Variants in DPYD observed in about 807,000 individuals in gnomAD.
DPYD encodes the protein dihydropyrimidine dehydrogenase [NADP(+)].
Under a neutral mutation model 116.2 loss-of-function variants are expected in DPYD, and 109 were observed. The observed-to-expected ratio is 0.94, with a 90% CI of 0.80 to 1.10. The LOEUF (loss-of-function observed/expected upper bound fraction) is 1.10, where lower values mean the gene tolerates loss of function less well. Among genes scored for constraint, DPYD ranks in the 50% least tolerant of loss-of-function variants. The probability of loss-of-function intolerance (pLI) is 0.00; values close to 1 mark genes in which losing one functional copy is unlikely to be tolerated. For synonymous variants in DPYD, 440 were observed against 432.0 expected, an observed-to-expected ratio of 1.02 and a Z score of -0.23; for missense variants, 1,302 against 1,254.5, an observed-to-expected ratio of 1.04 and a Z score of -0.57.
At chr1:97,501,220 A>C (rs1186069532) in intron 13 of DPYD, among the ~76,000 whole-genome samples, 1 of 152,094 alleles carries the variant, frequency 6.6e-6, no homozygotes, top group African/African-American at 2.4e-5. Flanking sequence ...TTAATACCAG[A>C]AGTCTAACAT....
At chr1:97,910,541 AT>A (rs2101705835) in intron 1 of DPYD, among the ~76,000 whole-genome samples, 1 of 152,198 alleles carries the variant, frequency 6.6e-6, no homozygotes, top group East Asian at 1.9e-4. Context: ...TATGATTTCT[AT>A]CCCCACTTTT....
intron 14 of DPYD, among the ~76,000 whole-genome samples, chr1:97,405,757 T>C (rs896458005): frequency 6.6e-6 from 1 of 152,184 alleles, no homozygotes; most frequent in Non-Finnish European, 1.5e-5. Flanking sequence ...CCTCAAGTGA[T>C]CCACCCATCT....
intron 19 of DPYD, among the ~76,000 whole-genome samples, chr1:97,193,613 T>C (rs1361995699): frequency 6.6e-6 from 1 of 152,162 alleles, no homozygotes; most frequent in Admixed American, 6.5e-5. Context: ...ATTGTCACTC[T>C]ATTGGGATGT....
At chr1:97,663,655 T>G (rs1326034892) in intron 8 of DPYD, among the ~76,000 whole-genome samples, 1 of 152,198 alleles carries the variant, frequency 6.6e-6, no homozygotes, top group East Asian at 1.9e-4. Flanking sequence ...TCCTTCATTT[T>G]CCACAGCACA....
At chr1:97,399,637 G>C (rs1200457689) in intron 14 of DPYD, among the ~76,000 whole-genome samples, 1 of 152,072 alleles carries the variant, frequency 6.6e-6, no homozygotes, top group Admixed American at 6.6e-5. Flanking sequence ...GCAGTGGTTT[G>C]TAGTTCTCCT....
At chr1:97,229,562 AT>A (rs1661442982) in intron 19 of DPYD, among the ~76,000 whole-genome samples, 1 of 75,034 alleles carries the variant, frequency 1.3e-5, no homozygotes, top group African/African-American at 3.3e-5. Flanking sequence ...ATATATATAT[AT>A]ATATATATAT....
At chr1:97,309,365 G>GTGTA (rs879865284) in intron 16 of DPYD, among the ~76,000 whole-genome samples, 1 of 150,826 alleles carries the variant, frequency 6.6e-6, no homozygotes, top group Non-Finnish European at 1.5e-5. Context: ...GTGTGTGTGT[G>GTGTA]AGCATGTTCT....
intron 12 of DPYD, among the ~76,000 whole-genome samples, chr1:97,516,230 T>C (rs1648228396): frequency 6.6e-6 from 1 of 151,976 alleles, no homozygotes; most frequent in Non-Finnish European, 1.5e-5. Flanking sequence ...GGGAATAATT[T>C]TAGAATTTTT....
chr1:97,375,256 C>G (rs1229846482), intron 15 of DPYD, among the ~76,000 whole-genome samples: 3 of 152,094 alleles, frequency 2.0e-5, no homozygotes, highest in Non-Finnish European at 4.4e-5. Flanking sequence ...GTACACCAGA[C>G]CTTTCTTTAG....
At chr1:97,828,725 TAAC>T (rs1356088475) in intron 2 of DPYD, among the ~76,000 whole-genome samples, 1 of 151,968 alleles carries the variant, frequency 6.6e-6, no homozygotes, top group Non-Finnish European at 1.5e-5. Flanking sequence ...GATCTTTAAA[TAAC>T]AATTTTATGT....
chr1:97,561,471 AAAATAT>A (rs1652137228), intron 11 of DPYD, among the ~76,000 whole-genome samples: 1 of 152,194 alleles, frequency 6.6e-6, no homozygotes, highest in African/African-American at 2.4e-5. Flanking sequence ...TCTTTGGGTT[AAAATAT>A]AAATAAAGTA....
At chr1:97,356,478 G>C (rs1670435042) in intron 16 of DPYD, among the ~76,000 whole-genome samples, 1 of 152,082 alleles carries the variant, frequency 6.6e-6, no homozygotes, top group African/African-American at 2.4e-5. Flanking sequence ...CCTGTGATCA[G>C]GTAGCAATAT....
chr1:97,861,240 T>A (rs1005640956), intron 2 of DPYD, among the ~76,000 whole-genome samples: 1 of 151,942 alleles, frequency 6.6e-6, no homozygotes, highest in Non-Finnish European at 1.5e-5. Flanking sequence ...TAACAAATGA[T>A]GCAGAAACAG....
At chr1:97,165,291 TA>T (rs1291786547) in intron 20 of DPYD, among the ~76,000 whole-genome samples, 1 of 152,066 alleles carries the variant, frequency 6.6e-6, no homozygotes, top group African/African-American at 2.4e-5. Context: ...TACAACCAAC[TA>T]ATCATCAACA....
intron 1 of DPYD, among the ~76,000 whole-genome samples, chr1:97,896,415 T>C (rs1449828887): frequency 6.6e-6 from 1 of 151,826 alleles, no homozygotes; most frequent in Non-Finnish European, 1.5e-5. Context: ...TCTTGTCAAG[T>C]CTCACCGATG....
rs557364474 is a variant in DPYD, at chr1:97,348,323, C to A, written c.2058+25238G>T. On this transcript the variant is annotated intron_variant, in intron 16 of 22. Transcript: ENST00000370192. ...AACAAGGGATTGAATGCTGTCGAAT[C>A]GTAATTTGAAATAAAAACATAAGCT... 2.6e-5 allele frequency among the ~76,000 whole-genome samples: 4 copies of A among 152,094 alleles called. No homozygotes were observed. In the South Asian group the frequency reaches 6.2e-4, roughly 24 times the overall value.
intron 20 of DPYD, among the ~76,000 whole-genome samples, chr1:97,145,957 T>C (rs1654596086): frequency 6.6e-6 from 1 of 152,048 alleles, no homozygotes; most frequent in African/African-American, 2.4e-5. Context: ...CAATTGAGTC[T>C]ACTGAAGAAT....
At chr1:97,749,130 T>A (rs1231755065) in intron 3 of DPYD, among the ~76,000 whole-genome samples, 1 of 152,184 alleles carries the variant, frequency 6.6e-6, no homozygotes, top group African/African-American at 2.4e-5. Flanking sequence ...TGTTATCTAA[T>A]GAGATGGCAA....
intron 8 of DPYD, among the ~76,000 whole-genome samples, chr1:97,672,114 A>G (rs533336789): frequency 6.6e-6 from 1 of 151,922 alleles, no homozygotes; most frequent in South Asian, 2.1e-4. Context: ...AAGAAGATTC[A>G]GAGGTCTCTA....
Sources: allele counts gnomAD v4.1 joint callset (sites outside exome capture counted in the v4.1 genomes callset), GRCh38; gene constraint gnomAD v4.1.1; transcripts MANE v1.5; gene names NCBI Gene and HGNC (gene_info 2026-07-23, HGNC 2026-07-21).